The following PGAP2 variants were observed in gnomAD, a reference collection of about 807,000 sequenced individuals.
The protein encoded by PGAP2 is post-GPI attachment to proteins 2.
PGAP2 carries 21 observed loss-of-function variants against 33.2 expected under a neutral mutation model. The observed-to-expected ratio is 0.63, with a 90% CI of 0.45 to 0.91. PGAP2 has a LOEUF of 0.91. PGAP2 is among the 40% of genes least tolerant of loss of function. PGAP2 has a pLI of 0.00. For missense variants in PGAP2, 345 were observed against 424.0 expected (o/e 0.81, Z 1.64); for synonymous variants, 161 against 172.9 (o/e 0.93, Z 0.54).
chr11:3,821,403 G>C (rs2088595874), intron 3 of PGAP2, among the ~76,000 whole-genome samples: 1 of 152,262 alleles, frequency 6.6e-6, no homozygotes, highest in African/African-American at 2.4e-5. Context: ...GAGGTCTGCA[G>C]AAGTGCACAG....
intron 3 of PGAP2, among the ~76,000 whole-genome samples, chr11:3,822,597 G>A (rs2089064101): frequency 6.6e-6 from 1 of 152,160 alleles, no homozygotes; most frequent in South Asian, 2.1e-4. Flanking sequence ...TCATGCTATT[G>A]CACTCCAGCC....
At chr11:3,820,408 T>C (rs1359854764) in intron 3 of PGAP2, among the ~76,000 whole-genome samples, 1 of 152,216 alleles carries the variant, frequency 6.6e-6, no homozygotes, top group Non-Finnish European at 1.5e-5. Flanking sequence ...GCTTGGCATG[T>C]TGGCTCACGC....
Position 3,824,036 on chromosome 11 carries a change from T to C in PGAP2, c.502T>C (p.Ser168Pro). The C allele has an allele frequency of 6.2e-7, 1 of 1,614,150 alleles. No individual in the cohort carries two copies. The highest frequency in any genetic ancestry group is 1.1e-5 in the South Asian group (1 of 91,078). ...NHYLSCTSPC[S>P]CYRPLCRLNF... Reference sequence around the variant, plus strand: ...CTACCTCAGCTGCACCTCCCCGTGTTCCTGCTATCGCCCGCTCTGCCGCCT... The same window carrying C: ...CTACCTCAGCTGCACCTCCCCGTGTCCCTGCTATCGCCCGCTCTGCCGCCT... Residue 168 changes from serine (S) to proline (P), a missense_variant, in exon 4 of 7, where the codon TCC (serine) becomes CCC (proline). This residue lies in a region of PGAP2 where 311 missense variants were observed against 353.6 expected (regional missense o/e 0.88). Transcript: ENST00000278243.
At position 3,824,380 on chromosome 11, in the gene PGAP2, C is replaced by T. The variant is rs201840801; in HGVS notation, c.708+4C>T. 2.1e-5 allele frequency: 34 copies of T among 1,614,088 alleles called. No individual in the cohort carries two copies. The highest frequency in any genetic ancestry group is 8.8e-5 in the South Asian group (8 of 91,088). On this transcript the variant is annotated splice_donor_region_variant and intron_variant, in intron 5 of 6. Transcript: ENST00000278243. ...GAAGCACACAGTAAGTCAGGAGGTA[C>T]GGTCTATCCCTAGCGGGGGCTCCAA... is the stretch of plus-strand genomic sequence containing the variant.
intron 5 of PGAP2, chr11:3,824,816 CT>C: frequency 7.0e-7 from 1 of 1,435,446 alleles, no homozygotes; most frequent in Non-Finnish European, 9.1e-7. Context: ...AGGAATACCA[CT>C]GCTCCTCGGC....
chr11:3,823,463 G>C, intron 3 of PGAP2: 1 of 779,612 alleles, frequency 1.3e-6, no homozygotes, highest in East Asian at 2.7e-5. Context: ...ATCCAGCACT[G>C]TTCTAAGGAA....
chr11:3,809,568 A>C (rs2085119439), intron 1 of PGAP2, among the ~76,000 whole-genome samples: 1 of 152,188 alleles, frequency 6.6e-6, no homozygotes, highest in South Asian at 2.1e-4. Context: ...TTCCTCAGGG[A>C]TCTAGAGCTG....
At chr11:3,824,625 T>G in intron 5 of PGAP2, 1 of 694,196 alleles carries the variant, frequency 1.4e-6, no homozygotes. Flanking sequence ...CAAATGGGGA[T>G]AGAATGAGGA....
At chr11:3,814,068 A>G (rs1211267923) in intron 2 of PGAP2, among the ~76,000 whole-genome samples, 1 of 152,062 alleles carries the variant, frequency 6.6e-6, no homozygotes, top group African/African-American at 2.4e-5. Context: ...ATTTGCTCTG[A>G]ATTTCCCACT....
intron 3 of PGAP2, chr11:3,822,819 C>G (rs1282021010): frequency 1.0e-5 from 7 of 699,484 alleles, no homozygotes; most frequent in African/African-American, 1.8e-5. Flanking sequence ...CATCTAAACC[C>G]TTGTTCAGTC....
At chr11:3,802,272 C>T (rs1253197223) in intron 1 of PGAP2, among the ~76,000 whole-genome samples, 7 of 152,090 alleles carry the variant, frequency 4.6e-5, no homozygotes, top group Non-Finnish European at 8.8e-5. Flanking sequence ...TCTAAAGATA[C>T]GTTGTTGGGT....
At chr11:3,806,374 A>G (rs767470232), upstream of PGAP2, among the ~76,000 whole-genome samples, 13 of 152,102 alleles carry the variant, frequency 8.5e-5, no homozygotes, top group Non-Finnish European at 1.9e-4. Context: ...ACCTTAAAGA[A>G]CAGGATAGGG....
chr11:3,800,942 G>A (rs1481321227), intron 1 of PGAP2, among the ~76,000 whole-genome samples: 1 of 151,574 alleles, frequency 6.6e-6, no homozygotes, highest in Non-Finnish European at 1.5e-5. Context: ...AAACCCGCCT[G>A]GCCAACATGG....
At position 3,808,611 on chromosome 11, in the gene PGAP2, G is replaced by A. The variant is rs1322974442; in HGVS notation, c.-51G>A. 7.5e-7 allele frequency: 1 copy of A among 1,327,470 alleles called. No homozygotes were observed. The highest frequency in any genetic ancestry group is 9.6e-7 in the Non-Finnish European group (1 of 1,038,336). The allele number at this position is 1,327,470 out of a possible 1,614,324, so 82.2% of individuals were successfully genotyped here. A position where few individuals can be genotyped will look rare whatever the true frequency, so the allele number is the denominator to read the frequency against. On this transcript the variant is annotated 5_prime_UTR_variant, in exon 1 of 7. Coordinates refer to ENST00000278243, the MANE Select transcript of PGAP2 (RefSeq NM_014489.4). ...CCAGCCCCCGACCCCGGGCCACCTG[G>A]GCCCCCGGGTTCCGCCGGCACTCTC...
intron 1 of PGAP2, among the ~76,000 whole-genome samples, chr11:3,801,641 C>CAAAAAAAA (rs772606488): frequency 1.3e-5 from 1 of 76,772 alleles, no homozygotes. Flanking sequence ...GACTCCATCT[C>CAAAAAAAA]AAAAAAAAAA....
intron 3 of PGAP2, among the ~76,000 whole-genome samples, chr11:3,819,754 T>C (rs2088064216): frequency 6.6e-6 from 1 of 152,104 alleles, no homozygotes; most frequent in South Asian, 2.1e-4. Flanking sequence ...ATGTTGCTTG[T>C]TGCTGGTGCA....
rs780306130 is a variant in PGAP2, at chr11:3,825,488, C to T, written c.*30C>T. 1 of 1,603,516 alleles carries T rather than the reference C, an allele frequency of 6.2e-7. No homozygotes were observed. The highest frequency in any genetic ancestry group is 8.5e-7 in the Non-Finnish European group (1 of 1,175,228). On this transcript the variant is annotated 3_prime_UTR_variant, in exon 7 of 7. Transcript: ENST00000278243. ...TTCAGTCCTGCTTGGGAGGACGCAGCCCACTGCCCAGAAACAAGAAACACG... is the reference window on the plus strand; with the variant it reads ...TTCAGTCCTGCTTGGGAGGACGCAGTCCACTGCCCAGAAACAAGAAACACG...
At chr11:3,816,568 A>G (rs1167497253) in intron 2 of PGAP2, among the ~76,000 whole-genome samples, 1 of 152,154 alleles carries the variant, frequency 6.6e-6, no homozygotes, top group Non-Finnish European at 1.5e-5. Context: ...GAAGGTTTCC[A>G]TGACCCTCAG....
intron 1 of PGAP2, among the ~76,000 whole-genome samples, chr11:3,800,589 A>G (rs1037196291): frequency 2.0e-5 from 3 of 152,012 alleles, no homozygotes; most frequent in Admixed American, 2.0e-4. Flanking sequence ...AGGTGGGCGG[A>G]TCACGAGGTC....
Sources: allele counts gnomAD v4.1 joint callset (sites outside exome capture counted in the v4.1 genomes callset), GRCh38; gene constraint gnomAD v4.1.1; regional missense constraint gnomAD v4.1.1; transcripts MANE v1.5; gene names NCBI Gene and HGNC (gene_info 2026-07-23, HGNC 2026-07-21).